The following TNIK variants were observed in gnomAD, a reference collection of about 807,000 sequenced individuals.
TNIK encodes TRAF2 and NCK-interacting protein kinase.
A neutral mutation model predicts 191.3 loss-of-function variants in TNIK; 49 were observed. The ratio of observed to expected loss-of-function variants is 0.26; its 90% CI spans 0.20 to 0.32. TNIK has a LOEUF of 0.32. TNIK is among the 10% of genes least tolerant of loss of function. The pLI, the probability that TNIK is intolerant of heterozygous loss-of-function variation, is 1.00. For missense variants in TNIK, 1,155 were observed against 1,702.3 expected, an observed-to-expected ratio of 0.68 and a Z score of 5.66; for synonymous variants, 594 against 600.9, an observed-to-expected ratio of 0.99 and a Z score of 0.17.
intron 25 of TNIK, among the ~76,000 whole-genome samples, chr3:171,084,860 G>T (rs1721138610): frequency 6.6e-6 from 1 of 152,140 alleles, no homozygotes; most frequent in East Asian, 1.9e-4. Context: ...AGAGATCACT[G>T]AGGAACAGCT....
Position 171,389,052 on chromosome 3 carries a change from T to C in TNIK, c.58-19367A>G, listed in dbSNP as rs1173258547. Among the ~76,000 whole-genome samples, 4 of 152,184 alleles carry C rather than the reference T, an allele frequency of 2.6e-5. No homozygotes were observed. In the East Asian group the frequency reaches 5.8e-4, roughly 22 times the overall value. ...CATTTTCTGTAATCCTGACATGAAC[T>C]CTCTAAGGTGGACATTAGTATTTTA... On this transcript the variant is annotated intron_variant, in intron 1 of 32. Transcript: ENST00000436636.
intron 30 of TNIK, among the ~76,000 whole-genome samples, chr3:171,067,941 T>C (rs1289778754): frequency 6.6e-6 from 1 of 152,180 alleles, no homozygotes; most frequent in Non-Finnish European, 1.5e-5. Flanking sequence ...CGTGTGTGTG[T>C]ATGTAATATA....
intron 2 of TNIK, among the ~76,000 whole-genome samples, chr3:171,257,438 T>C (rs16856055): frequency 0.038 from 5,824 of 152,258 alleles, 327 homozygotes; most frequent in African/African-American, 0.13. Context: ...CCATCTCAGA[T>C]AGGAACTGGG....
intron 18 of TNIK, among the ~76,000 whole-genome samples, chr3:171,123,277 C>G (rs1356666974): frequency 1.3e-5 from 2 of 152,172 alleles, no homozygotes; most frequent in African/African-American, 4.8e-5. Context: ...TGAAGTAATG[C>G]TTTAGGGCAT....
chr3:171,066,425 G>T, intron 31 of TNIK, 99 bp from the exon 32 acceptor site: 1 of 1,558,140 alleles, frequency 6.4e-7, no homozygotes, highest in Non-Finnish European at 8.7e-7. Flanking sequence ...CAAACGACTT[G>T]AGATAAATGG....
chr3:171,434,894 A>AC (rs1725845202), intron 1 of TNIK, among the ~76,000 whole-genome samples: 1 of 152,240 alleles, frequency 6.6e-6, no homozygotes, highest in African/African-American at 2.4e-5. Context: ...TTTAAAAAGA[A>AC]CATGCATTAA....
At chr3:171,336,726 T>G (rs932083331) in intron 2 of TNIK, among the ~76,000 whole-genome samples, 3 of 152,190 alleles carry the variant, frequency 2.0e-5, no homozygotes, top group Non-Finnish European at 4.4e-5. Context: ...TTGTGGGTAC[T>G]TACCAACCAA....
intron 2 of TNIK, among the ~76,000 whole-genome samples, chr3:171,330,940 T>C (rs1236651694): frequency 1.3e-5 from 2 of 152,218 alleles, no homozygotes; most frequent in East Asian, 1.9e-4. Context: ...TTTCAAAATA[T>C]AGGGGAAAAA....
intron 2 of TNIK, among the ~76,000 whole-genome samples, chr3:171,323,536 C>T (rs777250168): frequency 3.9e-5 from 6 of 152,120 alleles, no homozygotes; most frequent in Admixed American, 1.3e-4. Context: ...CTGACAATTT[C>T]GGGGTCAAGA....
intron 1 of TNIK, among the ~76,000 whole-genome samples, chr3:171,416,632 C>A (rs959019466): frequency 1.3e-5 from 2 of 152,160 alleles, no homozygotes. Context: ...AATCATTAAG[C>A]ATTTTCCATA....
chr3:171,181,743 A>G (rs1038838578), intron 7 of TNIK, among the ~76,000 whole-genome samples: 2 of 152,222 alleles, frequency 1.3e-5, no homozygotes, highest in Non-Finnish European at 1.5e-5. Context: ...GCCAGCACAG[A>G]AAGCTAGGAG....
chr3:171,072,868 G>A (rs1360451328), intron 28 of TNIK, among the ~76,000 whole-genome samples: 1 of 151,696 alleles, frequency 6.6e-6, no homozygotes, highest in African/African-American at 2.4e-5. Flanking sequence ...TAACCAAGAA[G>A]GTGAAAGACC....
At chr3:171,179,760 G>A (rs1736425901) in intron 7 of TNIK, among the ~76,000 whole-genome samples, 1 of 152,148 alleles carries the variant, frequency 6.6e-6, no homozygotes, top group Non-Finnish European at 1.5e-5. Context: ...TGTACCTGGG[G>A]TTTTATGGTT....
chr3:171,284,233 A>G (rs189694121), intron 2 of TNIK, among the ~76,000 whole-genome samples: 2 of 152,326 alleles, frequency 1.3e-5, no homozygotes, highest in African/African-American at 4.8e-5. Flanking sequence ...CAATTTCATG[A>G]AAAAATAGCT....
chr3:171,178,111 A>G (rs1392418157), intron 7 of TNIK, among the ~76,000 whole-genome samples: 3 of 152,170 alleles, frequency 2.0e-5, no homozygotes, highest in Admixed American at 2.0e-4. Context: ...GACTGTTTCT[A>G]GTTTGGGCTA....
intron 12 of TNIK, among the ~76,000 whole-genome samples, chr3:171,153,272 T>C (rs1467109769): frequency 6.6e-6 from 1 of 152,180 alleles, no homozygotes; most frequent in Non-Finnish European, 1.5e-5. Context: ...TGTCTCTTCC[T>C]TGTCTATTCT....
intron 8 of TNIK, 81 bp downstream of exon 8, chr3:171,177,245 C>A: frequency 6.8e-7 from 1 of 1,465,524 alleles, no homozygotes; most frequent in Non-Finnish European, 9.3e-7. Context: ...GGAAGTAAAG[C>A]AACTGCAGCT....
intron 2 of TNIK, among the ~76,000 whole-genome samples, chr3:171,265,904 C>T (rs1331776129): frequency 1.3e-5 from 2 of 152,102 alleles, no homozygotes; most frequent in Non-Finnish European, 1.5e-5. Context: ...AAATAAGAAT[C>T]TGCAGTTGGC....
intron 19 of TNIK, among the ~76,000 whole-genome samples, chr3:171,109,790 A>G (rs143778438): frequency 6.6e-6 from 1 of 152,230 alleles, no homozygotes; most frequent in East Asian, 1.9e-4. Context: ...AGCACCTGGA[A>G]ATAATAATGT....
Sources: allele counts gnomAD v4.1 joint callset (sites outside exome capture counted in the v4.1 genomes callset), GRCh38; gene constraint gnomAD v4.1.1; transcripts MANE v1.5; gene names NCBI Gene and HGNC (gene_info 2026-07-23, HGNC 2026-07-21).